The following POGZ variants were observed in gnomAD, a reference collection of about 807,000 sequenced individuals.
The protein encoded by POGZ is pogo transposable element with ZNF domain.
In POGZ, 17 loss-of-function variants were observed where a neutral mutation model predicts 134.6. That is an observed-to-expected ratio of 0.13 (90% CI 0.09 to 0.19). The LOEUF (loss-of-function observed/expected upper bound fraction) is 0.19. Among genes scored for constraint, POGZ ranks in the 10% least tolerant of loss-of-function variants. The pLI, the probability that POGZ is intolerant of heterozygous loss-of-function variation, is 1.00. For synonymous variants in POGZ, 693 were observed against 657.1 expected (o/e 1.05, Z -0.84); for missense variants, 1,306 against 1,769.7 (o/e 0.74, Z 4.70).
In POGZ at chr1:151,458,213, G is replaced by A. The variant is rs566475472; in HGVS notation, c.-2+939C>T. ...GAGAGGAAGGAAATAAGAACAACAC[G>A]CAGAAAGACGGAAAACAAATAGATC... On this transcript the variant is annotated intron_variant, in intron 1 of 18. Transcript: ENST00000271715. Among the ~76,000 whole-genome samples the A allele has an allele frequency of 5.9e-5, 9 of 152,196 alleles. No homozygotes were observed. The South Asian group carries it at 8.3e-4, about 14-fold the overall frequency.
At chr1:151,439,657 C>T (rs969713201) in intron 3 of POGZ, among the ~76,000 whole-genome samples, 1 of 152,162 alleles carries the variant, frequency 6.6e-6, no homozygotes, top group Non-Finnish European at 1.5e-5. Context: ...AAATGTTCAA[C>T]AATGGGGAAT....
rs775909205 is a variant in POGZ, at chr1:151,404,807, T to C, written c.4228A>G (p.Ile1410Val). The change falls in exon 19 of 19, where the codon ATT (isoleucine) becomes GTT (valine). Residue 1410 changes from isoleucine to valine, a missense_variant. Ile to Val is a conservative substitution (Grantham distance 29). Around this residue, in one of 10 missense-constraint regions of POGZ, gnomAD observed 107 missense variants for 97.9 expected, o/e 1.09. Transcript: ENST00000271715. ...FEEADLDLME[I>V] ...CCCCCTCATGACCCCAACACTCAAA[T>C]CTCCATCAGATCTAGGTCAGCTTCT... The C allele has an allele frequency of 6.3e-7, 1 of 1,589,488 alleles. No homozygotes were observed. Among genetic ancestry groups the C allele is most frequent in the Non-Finnish European group, 8.6e-7 (1 of 1,168,668 alleles).
At chr1:151,452,097 C>CAAAAAAAAAAAAAAAAAAAAAA (rs574531921) in intron 1 of POGZ, among the ~76,000 whole-genome samples, 1 of 59,034 alleles carries the variant, frequency 1.7e-5, no homozygotes, top group Non-Finnish European at 4.0e-5. Flanking sequence ...GACTCCGTCT[C>CAAAAAAAAAAAAAAAAAAAAAA]AAAAAAAAAA....
intron 17 of POGZ, 29 bp downstream of exon 17, chr1:151,406,882 C>G: frequency 6.5e-7 from 1 of 1,537,796 alleles, no homozygotes. Context: ...CCTCCCCTTG[C>G]TCAACTAATC....
At chr1:151,452,358 CT>C (rs1174636080) in intron 1 of POGZ, among the ~76,000 whole-genome samples, 22 of 147,538 alleles carry the variant, frequency 1.5e-4, no homozygotes, top group South Asian at 6.4e-4. Flanking sequence ...AGATATTTGG[CT>C]TTTTTTTTTG....
At chr1:151,432,334 C>A (rs1247257007) in intron 3 of POGZ, among the ~76,000 whole-genome samples, 1 of 152,124 alleles carries the variant, frequency 6.6e-6, no homozygotes, top group Non-Finnish European at 1.5e-5. Context: ...AGCTAGACCA[C>A]CAAAGGAATA....
chr1:151,410,346 C>A (rs113135539), intron 12 of POGZ, among the ~76,000 whole-genome samples: 1 of 152,134 alleles, frequency 6.6e-6, no homozygotes. Flanking sequence ...ATGTGACTTC[C>A]ACCCTACCAA....
In POGZ at chr1:151,405,142, A is replaced by C. The variant is rs770987516; in HGVS notation, c.3893T>G (p.Leu1298Arg). The C allele has an allele frequency of 2.5e-6, 4 of 1,614,250 alleles. No individual in the cohort carries two copies. The highest frequency in any genetic ancestry group is 3.3e-5 in the Admixed American group (2 of 60,034). Reference sequence around the variant, plus strand: ...ACCCAGCCAGACAAGCACCAGCTGAAGCAGGACATCAGAATCACATGCAGT... The same window carrying C: ...ACCCAGCCAGACAAGCACCAGCTGACGCAGGACATCAGAATCACATGCAGT... ...ADTACDSDVL[L>R]QLVLVWLGEV... The change falls in exon 19 of 19, where the codon CTT (leucine) becomes CGT (arginine). Residue 1298 changes from leucine (L) to arginine (R), a missense_variant. Physicochemically the swap from Leu to Arg is moderately radical, Grantham distance 102. Coordinates refer to ENST00000271715, the MANE Select transcript of POGZ (RefSeq NM_015100.4). This position sits in a 1 kb window ranked among gnomAD's most constrained non-coding sequence, Gnocchi z 4.9.
At chr1:151,412,675 AT>A in intron 10 of POGZ, among the ~76,000 whole-genome samples, 1 of 152,260 alleles carries the variant, frequency 6.6e-6, no homozygotes, top group East Asian at 1.9e-4. Context: ...CTAATTCAGC[AT>A]CCTCCTGTCT....
Position 151,428,363 on chromosome 1 carries a change from A to C in POGZ, c.619T>G (p.Ser207Ala). The C allele has an allele frequency of 6.2e-7, 1 of 1,613,926 alleles. No individual in the cohort carries two copies. Among genetic ancestry groups the C allele is most frequent in the Non-Finnish European group, 8.5e-7 (1 of 1,179,796 alleles). ...CCTGGCCTCACAGGGGTCATCTGGG[A>C]GAACACTTGTGGAACTCCAACTGTC... ...KPTVGVPQVF[S>A]QMTPVRPGST... is the part of the protein sequence containing the mutation. Residue 207 changes from serine to alanine, a missense_variant, in exon 6 of 19, where the codon TCC becomes GCC. Transcript: ENST00000271715.
chr1:151,435,733 G>C (rs1230617049), intron 3 of POGZ, among the ~76,000 whole-genome samples: 2 of 151,866 alleles, frequency 1.3e-5, no homozygotes, highest in African/African-American at 4.8e-5. Context: ...GACCTCAAAT[G>C]TTCTGCTCAC....
chr1:151,450,637 A>C (rs1483638953), intron 1 of POGZ, among the ~76,000 whole-genome samples: 1 of 152,054 alleles, frequency 6.6e-6, no homozygotes, highest in Non-Finnish European at 1.5e-5. Context: ...TACAGGCATG[A>C]GCAGTCGTGC....
At chr1:151,457,636 G>A (rs928567933) in intron 1 of POGZ, among the ~76,000 whole-genome samples, 6 of 152,128 alleles carry the variant, frequency 3.9e-5, no homozygotes, top group South Asian at 2.1e-4. Context: ...GCCTACAGAA[G>A]TAAAACCCGG....
intron 1 of POGZ, among the ~76,000 whole-genome samples, chr1:151,454,674 CTAT>C (rs1458702640): frequency 1.3e-5 from 2 of 152,170 alleles, no homozygotes; most frequent in African/African-American, 4.8e-5. Context: ...AATATCTATA[CTAT>C]GATGGAAAAC....
chr1:151,455,311 G>A (rs953808487), intron 1 of POGZ: 1 of 152,184 alleles, frequency 6.6e-6, no homozygotes, highest in Non-Finnish European at 1.5e-5. Flanking sequence ...CTTCCTCAAG[G>A]TTACAGTTAG....
intron 1 of POGZ, among the ~76,000 whole-genome samples, chr1:151,456,923 T>C (rs1329392639): frequency 1.3e-5 from 2 of 152,228 alleles, no homozygotes; most frequent in Non-Finnish European, 2.9e-5. Flanking sequence ...TTCAAGGGCA[T>C]TCTCAAGTAG....
Position 151,453,758 on chromosome 1 carries a change from G to A in POGZ, c.-2+5394C>T, listed in dbSNP as rs192811339. Among the ~76,000 whole-genome samples, 117 of 152,294 alleles carry A rather than the reference G, an allele frequency of 7.7e-4. 1 individual carries two copies. Among genetic ancestry groups the A allele is most frequent in the Middle Eastern group, 3.4e-3 (1 of 294 alleles). Reference sequence around the variant, plus strand: ...GGAGTACCAGATAAATACTCTCCTGGAGGGAAGGGGACTATTTCTTAAATG... The same window carrying A: ...GGAGTACCAGATAAATACTCTCCTGAAGGGAAGGGGACTATTTCTTAAATG... On this transcript the variant is annotated intron_variant, in intron 1 of 18. Transcript: ENST00000271715.
intron 10 of POGZ, among the ~76,000 whole-genome samples, chr1:151,413,143 T>C (rs1405994578): frequency 6.9e-6 from 1 of 145,252 alleles, no homozygotes; most frequent in Non-Finnish European, 1.5e-5. Context: ...AGAATCTCAC[T>C]GTTGCTCAGG....
intron 3 of POGZ, among the ~76,000 whole-genome samples, chr1:151,432,645 A>G (rs1658886288): frequency 1.3e-5 from 2 of 152,242 alleles, no homozygotes; most frequent in South Asian, 4.1e-4. Context: ...TTCAATAATT[A>G]TCAATGTATG....
Sources: gnomAD v4.1 joint callset for allele counts (sites outside exome capture counted in the v4.1 genomes callset) on GRCh38, gnomAD v4.1.1 for gene constraint, gnomAD v4.1.1 regional missense constraint, Gnocchi (gnomAD v3.1) non-coding constraint, MANE v1.5 for transcripts, NCBI Gene and HGNC (gene_info 2026-07-23, HGNC 2026-07-21) for gene names.